Variants in AADAC observed in about 807,000 individuals in gnomAD.
The protein encoded by AADAC is arylacetamide deacetylase (esterase).
In AADAC, 17 loss-of-function variants were observed where a neutral mutation model predicts 22.7. The observed-to-expected ratio is 0.75, with a 90% confidence interval of 0.51 to 1.12. The LOEUF (loss-of-function observed/expected upper bound fraction) is 1.12, where lower values mean the gene tolerates loss of function less well. Among genes scored for constraint, AADAC ranks in the 50% most tolerant of loss-of-function variants. The pLI, the probability that AADAC is intolerant of heterozygous loss-of-function variation, is 0.00. For missense variants in AADAC, 465 were observed against 473.9 expected, an observed-to-expected ratio of 0.98 and a Z score of 0.17; for synonymous variants, 167 against 176.3, an observed-to-expected ratio of 0.95 and a Z score of 0.42.
chr3:151,824,247 T>C (rs933978472), intron 3 of AADAC, among the ~76,000 whole-genome samples: 1 of 151,976 alleles, frequency 6.6e-6, no homozygotes, highest in African/African-American at 2.4e-5. Flanking sequence ...ATTCAAACAA[T>C]AGAGTACTAT....
intron 3 of AADAC, among the ~76,000 whole-genome samples, chr3:151,823,930 A>G (rs1014353013): frequency 1.3e-5 from 2 of 152,052 alleles, no homozygotes; most frequent in South Asian, 2.1e-4. Context: ...TTATAAGAAC[A>G]TTTAATATGT....
Position 151,815,736 on chromosome 3 carries a change from G to A in AADAC, c.138+1436G>A, listed in dbSNP as rs190476098. On this transcript the variant is annotated intron_variant, in intron 1 of 4. Transcript: ENST00000232892. Reference sequence around the variant, plus strand: ...TAATGTATTTTCAGAGCTCTCAGTCGATATACCTTTTAAAAGTTGTTTTAA... The same window carrying A: ...TAATGTATTTTCAGAGCTCTCAGTCAATATACCTTTTAAAAGTTGTTTTAA... Among the ~76,000 whole-genome samples the A allele has an allele frequency of 5.3e-5, 8 of 151,760 alleles. 1 individual carries two copies. Among genetic ancestry groups the A allele is most frequent in the Non-Finnish European group, 8.8e-5 (6 of 67,890 alleles).
intron 2 of AADAC, among the ~76,000 whole-genome samples, chr3:151,818,179 C>T (rs926698573): frequency 1.1e-4 from 17 of 149,670 alleles, no homozygotes; most frequent in African/African-American, 3.9e-4. Context: ...AGGCGGAGGT[C>T]GCAGTGAGCC....
In AADAC at chr3:151,828,193, T is replaced by C; in HGVS notation, c.*21T>C. Reference sequence around the variant, plus strand: ...TATAGTAAAACATGTAGCTATAACATATTTTAAAAATAAAATCTGAAAACC... The same window carrying C: ...TATAGTAAAACATGTAGCTATAACACATTTTAAAAATAAAATCTGAAAACC... On this transcript the variant is annotated 3_prime_UTR_variant, in exon 5 of 5. Coordinates refer to ENST00000232892, the MANE Select transcript of AADAC (RefSeq NM_001086.3). 1 of 1,377,032 alleles carries C rather than the reference T, an allele frequency of 7.3e-7. No homozygotes were observed. The highest frequency in any genetic ancestry group is 9.6e-7 in the Non-Finnish European group (1 of 1,037,378). The allele number at this position is 1,377,032 out of a possible 1,614,324, so 85.3% of individuals were successfully genotyped here. A position where few individuals can be genotyped will look rare whatever the true frequency, so the allele number is the denominator to read the frequency against.
chr3:151,815,344 C>T (rs752111936), intron 1 of AADAC, among the ~76,000 whole-genome samples: 3 of 151,894 alleles, frequency 2.0e-5, no homozygotes, highest in African/African-American at 7.2e-5. Context: ...GTAAAAACAC[C>T]CCAGCTACAG....
rs1560315070 is a variant in AADAC, at chr3:151,828,139, T to G, written c.1167T>G (p.Asn389Lys). Reference sequence around the variant, plus strand: ...TTAAAATTAGTCACAGACTTATAAATCAGTATATTGAGTGGCTAAAGGAAA... The same window carrying G: ...TTAAAATTAGTCACAGACTTATAAAGCAGTATATTGAGTGGCTAAAGGAAA... ...LGLKISHRLI[N>K]QYIEWLKENL The change falls in exon 5 of 5, where the codon AAT (asparagine) becomes AAG (lysine). Residue 389 changes from asparagine (N) to lysine (K), a missense_variant. Transcript: ENST00000232892. 2 of 1,597,664 alleles carry G rather than the reference T, an allele frequency of 1.3e-6. No homozygotes were observed. The highest frequency in any genetic ancestry group is 1.7e-6 in the Non-Finnish European group (2 of 1,168,530).
intron 3 of AADAC, among the ~76,000 whole-genome samples, chr3:151,824,000 G>T (rs1241795666): frequency 1.3e-5 from 2 of 151,936 alleles, no homozygotes; most frequent in Non-Finnish European, 2.9e-5. Context: ...GTACAATGTT[G>T]TACAGCAGAT....
At position 151,824,879 on chromosome 3, in the gene AADAC, C is replaced by CTGTT. The variant is rs557206172; in HGVS notation, c.603+47_603+50dup. 231 of 1,396,798 alleles carry CTGTT rather than the reference C, an allele frequency of 1.7e-4. 3 individuals carry two copies. In the South Asian group the frequency reaches 3.1e-3, roughly 19 times the overall value. The allele number at this position is 1,396,798 out of a possible 1,614,324, so 86.5% of individuals were successfully genotyped here. ...GCTTTTTAAAAATAGCGTTTCTACG[C>CTGTT]TGTTTTAAAAACATATTTATAAACA... On this transcript the variant is annotated intron_variant, in intron 4 of 4. Transcript: ENST00000232892.
chr3:151,818,201 G>A (rs1236784618), intron 2 of AADAC, among the ~76,000 whole-genome samples: 14 of 148,150 alleles, frequency 9.4e-5, no homozygotes, highest in Admixed American at 7.5e-4. Context: ...AGATTGCACC[G>A]TTGCACTCCA....
At chr3:151,816,227 T>C (rs560882098) in intron 1 of AADAC, among the ~76,000 whole-genome samples, 2 of 152,150 alleles carry the variant, frequency 1.3e-5, no homozygotes, top group Middle Eastern at 6.8e-3. Context: ...CCAGCTCCCA[T>C]GTGCAACCAG....
chr3:151,819,965 T>A (rs1716166556), intron 2 of AADAC, among the ~76,000 whole-genome samples: 1 of 152,116 alleles, frequency 6.6e-6, no homozygotes, highest in South Asian at 2.1e-4. Context: ...ATTGCAACAA[T>A]TCTGTCTATA....
chr3:151,814,556 G>A (rs915952843), intron 1 of AADAC, among the ~76,000 whole-genome samples: 10 of 152,064 alleles, frequency 6.6e-5, no homozygotes, highest in Admixed American at 1.3e-4. Context: ...CTTTGTTTAG[G>A]TAGCTTTAAT....
Position 151,827,707 on chromosome 3 carries a change from C to CA in AADAC, c.736dup (p.Met246AsnfsTer7). The CA allele has an allele frequency of 6.2e-7, 1 of 1,612,994 alleles. No homozygotes were observed. Among genetic ancestry groups the CA allele is most frequent in the Non-Finnish European group, 8.5e-7 (1 of 1,179,284 alleles). ...ATTTTCTATTTCTATCCAAATCACT[C>CA]ATGGTCAGATTCTGGAGTGAATATT... On this transcript the variant is annotated frameshift_variant, in exon 5 of 5. Coordinates refer to ENST00000232892, the MANE Select transcript of AADAC (RefSeq NM_001086.3). LOFTEE classifies it low-confidence loss of function (END_TRUNC).
chr3:151,822,439 T>A (rs1435996503), intron 3 of AADAC, among the ~76,000 whole-genome samples: 1 of 152,050 alleles, frequency 6.6e-6, no homozygotes, highest in Non-Finnish European at 1.5e-5. Flanking sequence ...ATGTGGTATA[T>A]CTATACAATT....
At chr3:151,825,519 T>C (rs1716452917) in intron 4 of AADAC, among the ~76,000 whole-genome samples, 1 of 151,982 alleles carries the variant, frequency 6.6e-6, no homozygotes, top group African/African-American at 2.4e-5. Flanking sequence ...ATTCATATAA[T>C]CTTCGATGGT....
intron 2 of AADAC, among the ~76,000 whole-genome samples, chr3:151,818,566 G>T (rs1034286368): frequency 3.3e-5 from 5 of 152,002 alleles, no homozygotes; most frequent in Non-Finnish European, 5.9e-5. Context: ...GTGAGGCACA[G>T]AAATAGGCGG....
At chr3:151,820,509 C>T in intron 3 of AADAC, 57 bp downstream of exon 3, 1 of 733,920 alleles carries the variant, frequency 1.4e-6, no homozygotes, top group Non-Finnish European at 2.0e-6. Context: ...AAGATTTTCT[C>T]AGCTTTCTTT....
chr3:151,820,522 T>TTTC, intron 3 of AADAC, 70 bp downstream of exon 3: 1 of 1,102,202 alleles, frequency 9.1e-7, no homozygotes. Flanking sequence ...CTTTCTTTTT[T>TTTC]TTTTTTTTTT....
intron 2 of AADAC, among the ~76,000 whole-genome samples, chr3:151,817,880 C>T (rs57124683): frequency 0.6 from 91,065 of 151,766 alleles, 27,812 homozygotes; most frequent in Non-Finnish European, 0.64. Context: ...TATTACAGAA[C>T]CATTTAATGT....
Sources: gnomAD v4.1 joint callset for allele counts (sites outside exome capture counted in the v4.1 genomes callset) on GRCh38, gnomAD v4.1.1 for gene constraint, MANE v1.5 for transcripts, NCBI Gene and HGNC (gene_info 2026-07-23, HGNC 2026-07-21) for gene names.